Variants in PPARA observed in about 807,000 individuals in gnomAD.
The protein encoded by PPARA is peroxisome proliferator-activated receptor alpha.
PPARA carries 22 observed loss-of-function variants against 42.2 expected under a neutral mutation model. The ratio of observed to expected loss-of-function variants is 0.52; its 90% CI spans 0.37 to 0.74. The LOEUF is 0.74. Ranked by LOEUF, PPARA falls within the 30% of genes least tolerant of loss-of-function variation. The pLI, the probability that PPARA is intolerant of heterozygous loss-of-function variation, is 0.00. For missense variants in PPARA, 465 were observed against 608.2 expected, an observed-to-expected ratio of 0.76 and a Z score of 2.48; for synonymous variants, 242 against 239.3, an observed-to-expected ratio of 1.01 and a Z score of -0.10.
chr22:46,152,000 A>G (rs1355602545), intron 2 of PPARA, 30 bp downstream of exon 2: 1 of 152,266 alleles, frequency 6.6e-6, no homozygotes, highest in Non-Finnish European at 1.5e-5. Context: ...TACTGTTTCC[A>G]GATGGAAATA....
rs1022271182 is a variant in PPARA, at chr22:46,192,641, A to G, written c.-42-5701A>G. Among the ~76,000 whole-genome samples the G allele has an allele frequency of 1.3e-5, 2 of 152,232 alleles. No homozygotes were observed. Among genetic ancestry groups the G allele is most frequent in the African/African-American group, 4.8e-5 (2 of 41,462 alleles). On this transcript the variant is annotated intron_variant, in intron 3 of 8. Transcript: ENST00000407236. The surrounding 1 kb of genome is among the most constrained non-coding windows in gnomAD (Gnocchi z 4.3). Reference sequence around the variant, plus strand: ...TATACAAGATGCAGCTCTAACATTTAAATTGGAAGGGAAATGTCAAAAAGA... The same window carrying G: ...TATACAAGATGCAGCTCTAACATTTGAATTGGAAGGGAAATGTCAAAAAGA...
Position 46,230,996 on chromosome 22 carries a change from G to A in PPARA, c.712-796G>A, listed in dbSNP as rs969162009. Among the ~76,000 whole-genome samples the A allele has an allele frequency of 4.6e-5, 7 of 152,192 alleles. No individual in the cohort carries two copies. The highest frequency in any genetic ancestry group is 8.8e-5 in the Non-Finnish European group (6 of 68,032). On this transcript the variant is annotated intron_variant, in intron 7 of 8. Transcript: ENST00000407236. The surrounding 1 kb of genome is among the most constrained non-coding windows in gnomAD (Gnocchi z 5.0). The stretch of plus-strand genomic sequence containing the variant: ...TATTTAAGAATATTAAAGGTGCTTT[G>A]CTAATGTCCTCGTTAGTTTTGTTTT...
At chr22:46,152,845 G>A (rs1156819742) in intron 2 of PPARA, among the ~76,000 whole-genome samples, 1 of 152,194 alleles carries the variant, frequency 6.6e-6, no homozygotes, top group African/African-American at 2.4e-5. Flanking sequence ...CAGCACTTTG[G>A]AAGCTGGGGT....
In PPARA at chr22:46,231,052, T is replaced by G. The variant is rs914122075; in HGVS notation, c.712-740T>G. On this transcript the variant is annotated intron_variant, in intron 7 of 8. Coordinates refer to ENST00000407236, the MANE Select transcript of PPARA (RefSeq NM_005036.6). The surrounding 1 kb of genome is among the most constrained non-coding windows in gnomAD (Gnocchi z 7.7). ...AATCAGTACTTCAGTTTCTTGTTTC[T>G]TTTTTTTTTGAGACGGAGTCTTACT... Among the ~76,000 whole-genome samples, 1 of 147,326 alleles carries G rather than the reference T, an allele frequency of 6.8e-6. No individual in the cohort carries two copies. Among genetic ancestry groups the G allele is most frequent in the African/African-American group, 2.5e-5 (1 of 40,446 alleles).
In PPARA at chr22:46,191,193, A is replaced by G. The variant is rs9626756; in HGVS notation, c.-42-7149A>G. Among the ~76,000 whole-genome samples the G allele has an allele frequency of 1.3e-3, 192 of 152,266 alleles. No homozygotes were observed. Among genetic ancestry groups the G allele is most frequent in the African/African-American group, 4.5e-3 (188 of 41,532 alleles). On this transcript the variant is annotated intron_variant, in intron 3 of 8. Coordinates refer to ENST00000407236, the MANE Select transcript of PPARA (RefSeq NM_005036.6). The surrounding 1 kb of genome is among the most constrained non-coding windows in gnomAD (Gnocchi z 4.6). ...TGGGTGACAGAGTGAGACTGCATCT[A>G]TAAAAACAACAACAAAAAAGAAAAT...
intron 3 of PPARA, among the ~76,000 whole-genome samples, chr22:46,177,999 G>T (rs920202868): frequency 3.3e-5 from 5 of 152,104 alleles, no homozygotes; most frequent in African/African-American, 1.2e-4. Context: ...TATACCCAGG[G>T]AGGTATAGCA....
At position 46,219,745 on chromosome 22, in the gene PPARA, C is replaced by T. The variant is rs1800245; in HGVS notation, c.509-67C>T. On this transcript the variant is annotated intron_variant, in intron 6 of 8. Transcript: ENST00000407236. This position sits in a 1 kb window ranked among gnomAD's most constrained non-coding sequence, Gnocchi z 4.8. The stretch of plus-strand genomic sequence containing the variant: ...GGTTTAAAGTCCTGGGGGAGCCCCT[C>T]GTCCAGCCCTGTCCGCGCAGTCATG... 4.2e-3 allele frequency: 6,361 copies of T among 1,513,358 alleles called. 247 individuals carry two copies. The African/African-American group carries it at 0.078, about 18-fold the overall frequency. 93.7% of individuals were successfully genotyped at this position (1,513,358 alleles called of 1,614,324 possible). A position where few individuals can be genotyped will look rare whatever the true frequency, so the allele number is the denominator to read the frequency against.
rs911797289 is a variant in PPARA at position 46,162,399 on chromosome 22, G to A, written c.-127+10429G>A. On this transcript the variant is annotated intron_variant, in intron 2 of 8. Coordinates refer to ENST00000407236, the MANE Select transcript of PPARA (RefSeq NM_005036.6). This position sits in a 1 kb window ranked among gnomAD's most constrained non-coding sequence, Gnocchi z 6.0. ...TTCTGGTTCTTCTCGTGCACTGGGCGTGCCGGAGACACACTCCCTTACCCT... is the reference window on the plus strand; with the variant it reads ...TTCTGGTTCTTCTCGTGCACTGGGCATGCCGGAGACACACTCCCTTACCCT... Among the ~76,000 whole-genome samples, 5 of 152,098 alleles carry A rather than the reference G, an allele frequency of 3.3e-5. No homozygotes were observed. Among genetic ancestry groups the A allele is most frequent in the Admixed American group, 6.5e-5 (1 of 15,272 alleles).
rs1259010957 is a variant in PPARA, at chr22:46,231,200, G to A, written c.712-592G>A. ...GCCTCCCGAGTAGCTGGGGTTACAG[G>A]CACACACTATGCCTGGCTAATTTTT... On this transcript the variant is annotated intron_variant, in intron 7 of 8. Transcript: ENST00000407236. This position sits in a 1 kb window ranked among gnomAD's most constrained non-coding sequence, Gnocchi z 7.7. Among the ~76,000 whole-genome samples the A allele has an allele frequency of 1.3e-5, 2 of 151,706 alleles. No homozygotes were observed. The highest frequency in any genetic ancestry group is 3.9e-4 in the East Asian group (2 of 5,192).
rs2229245 is a variant in PPARA at position 46,235,156 on chromosome 22, G to C, written c.1183G>C (p.Gly395Arg). The C allele has an allele frequency of 1.2e-5, 20 of 1,613,820 alleles. No homozygotes were observed. Among genetic ancestry groups the C allele is most frequent in the Non-Finnish European group, 1.7e-5 (20 of 1,179,916 alleles). The change falls in exon 9 of 9, where the codon GGA (glycine) becomes CGA (arginine). Residue 395 changes from glycine (G) to arginine (R), a missense_variant. Gly to Arg is a moderately radical substitution (Grantham distance 125, BLOSUM62 -2). Coordinates refer to ENST00000407236, the MANE Select transcript of PPARA (RefSeq NM_005036.6). This position sits in a 1 kb window ranked among gnomAD's most constrained non-coding sequence, Gnocchi z 7.0. Reference protein sequence around the residue: ...CGDRPGLLNVGHIEKMQEGIV... With the variant: ...CGDRPGLLNVRHIEKMQEGIV... ...AGATCGTCCTGGCCTTCTAAACGTA[G>C]GACACATTGAAAAAATGCAGGAGGG...
chr22:46,184,285 T>C lies in PPARA; in HGVS notation c.-43+7449T>C, dbSNP rs529955654. Among the ~76,000 whole-genome samples the C allele has an allele frequency of 1.3e-5, 2 of 152,312 alleles. No individual in the cohort carries two copies. Among genetic ancestry groups the C allele is most frequent in the East Asian group, 1.9e-4 (1 of 5,190 alleles). On this transcript the variant is annotated intron_variant, in intron 3 of 8. Transcript: ENST00000407236. The surrounding 1 kb of genome is among the most constrained non-coding windows in gnomAD (Gnocchi z 4.4). ...AGTTGGATGTCTAGAAAAGGTGCCA[T>C]GAGTTACCTTCTAAAACATCATAAG...
At chr22:46,158,920 C>T (rs1285806400) in intron 2 of PPARA, among the ~76,000 whole-genome samples, 1 of 152,118 alleles carries the variant, frequency 6.6e-6, no homozygotes, top group Admixed American at 6.6e-5. Flanking sequence ...GCTGGAGTCT[C>T]GCTCTGCTGC....
Position 46,231,716 on chromosome 22 carries a change from G to C in PPARA, c.712-76G>C. ...GCTTGGTGATTTGGACGCAGGAGCT[G>C]CTCATTAGTGAGCTGATAGCTGGGA... On this transcript the variant is annotated intron_variant, in intron 7 of 8. Transcript: ENST00000407236. The surrounding 1 kb of genome is among the most constrained non-coding windows in gnomAD (Gnocchi z 7.7). 6.9e-7 allele frequency: 1 copy of C among 1,454,008 alleles called. No individual in the cohort carries two copies. The highest frequency in any genetic ancestry group is 9.5e-7 in the Non-Finnish European group (1 of 1,052,448). 90.1% of individuals were successfully genotyped at this position (1,454,008 alleles called of 1,614,324 possible). A position where few individuals can be genotyped will look rare whatever the true frequency, so the allele number is the denominator to read the frequency against.
In PPARA at chr22:46,165,118, C is replaced by A. The variant is rs1926844255; in HGVS notation, c.-126-11635C>A. ...TGCCATGATCTCGGCTCACTGCAAC[C>A]TCTGCCTCCGGGGTATAAGTGATTC... On this transcript the variant is annotated intron_variant, in intron 2 of 8. Coordinates refer to ENST00000407236, the MANE Select transcript of PPARA (RefSeq NM_005036.6). This position sits in a 1 kb window ranked among gnomAD's most constrained non-coding sequence, Gnocchi z 5.5. 6.6e-6 allele frequency: 1 copy of A among 152,376 alleles called. No individual in the cohort carries two copies. The highest frequency in any genetic ancestry group is 2.1e-4 in the South Asian group (1 of 4,826). 9.4% of individuals were successfully genotyped at this position (152,376 alleles called of 1,614,324 possible). A position where few individuals can be genotyped will look rare whatever the true frequency, so the allele number is the denominator to read the frequency against.
Position 46,162,797 on chromosome 22 carries a change from T to C in PPARA, c.-127+10827T>C, listed in dbSNP as rs1926405858. On this transcript the variant is annotated intron_variant, in intron 2 of 8. Coordinates refer to ENST00000407236, the MANE Select transcript of PPARA (RefSeq NM_005036.6). This position sits in a 1 kb window ranked among gnomAD's most constrained non-coding sequence, Gnocchi z 6.0. ...AGCCTTCCTTGCTGCTCCCCCAAAC[T>C]AGAGGCAGGAGTTTTGTCCTTCAGA... 6.6e-6 allele frequency among the ~76,000 whole-genome samples: 1 copy of C among 152,226 alleles called. No individual in the cohort carries two copies. Among genetic ancestry groups the C allele is most frequent in the Admixed American group, 6.5e-5 (1 of 15,284 alleles).
rs1316620415 is a variant in PPARA at position 46,160,600 on chromosome 22, A to ATTGT, written c.-127+8637_-127+8640dup. ...CGTGAGCCACCGCACCTGGCCCAAT[A>ATTGT]TTGTTTGTTTATTTATTTCTTGACA... On this transcript the variant is annotated intron_variant, in intron 2 of 8. Coordinates refer to ENST00000407236, the MANE Select transcript of PPARA (RefSeq NM_005036.6). The surrounding 1 kb of genome is among the most constrained non-coding windows in gnomAD (Gnocchi z 4.5). 6.7e-6 allele frequency among the ~76,000 whole-genome samples: 1 copy of ATTGT among 149,482 alleles called. No individual in the cohort carries two copies. Among genetic ancestry groups the ATTGT allele is most frequent in the African/African-American group, 2.5e-5 (1 of 40,364 alleles).
intron 6 of PPARA, among the ~76,000 whole-genome samples, chr22:46,218,765 C>T (rs1934729887): frequency 1.3e-5 from 2 of 149,394 alleles, no homozygotes; most frequent in South Asian, 2.1e-4. Flanking sequence ...ACCCGGGAGG[C>T]GGAGGTTGCA....
chr22:46,205,118 C>A (rs1276853290), intron 4 of PPARA, among the ~76,000 whole-genome samples: 1 of 152,060 alleles, frequency 6.6e-6, no homozygotes, highest in Non-Finnish European at 1.5e-5. Flanking sequence ...CCCACTTCGG[C>A]CTCCCAAAGT....
At position 46,180,567 on chromosome 22, in the gene PPARA, T is replaced by A. The variant is rs1929808130; in HGVS notation, c.-43+3731T>A. On this transcript the variant is annotated intron_variant, in intron 3 of 8. Coordinates refer to ENST00000407236, the MANE Select transcript of PPARA (RefSeq NM_005036.6). This position sits in a 1 kb window ranked among gnomAD's most constrained non-coding sequence, Gnocchi z 4.2. ...GCTGCAAAACATGTTTTTCTTAAGA[T>A]GTAAGGCATGTCACAAGAATATCAC... 6.6e-6 allele frequency among the ~76,000 whole-genome samples: 1 copy of A among 152,226 alleles called. No individual in the cohort carries two copies. Among genetic ancestry groups the A allele is most frequent in the African/African-American group, 2.4e-5 (1 of 41,458 alleles).
Sources: allele counts gnomAD v4.1 joint callset (sites outside exome capture counted in the v4.1 genomes callset), GRCh38; gene constraint gnomAD v4.1.1; non-coding constraint Gnocchi (gnomAD v3.1); transcripts MANE v1.5; gene names NCBI Gene and HGNC (gene_info 2026-07-23, HGNC 2026-07-21).